The following ECM2 variants were observed in gnomAD, a reference collection of about 807,000 sequenced individuals.
ECM2 encodes extracellular matrix protein 2, female organ and adipocyte specific.
A neutral mutation model predicts 67.5 loss-of-function variants in ECM2; 57 were observed. That is an observed-to-expected ratio of 0.84 (90% CI 0.68 to 1.05). ECM2 has a LOEUF of 1.05. ECM2 is among the 50% of genes least tolerant of loss of function. The pLI is 0.00. For synonymous variants in ECM2, 258 were observed against 294.5 expected (o/e 0.88, Z 1.27); for missense variants, 741 against 822.8 (o/e 0.90, Z 1.22).
intron 6 of ECM2, among the ~76,000 whole-genome samples, chr9:92,508,558 C>T (rs777557145): frequency 7.2e-5 from 11 of 152,212 alleles, no homozygotes; most frequent in Non-Finnish European, 1.3e-4. Flanking sequence ...CCTGTTAGTA[C>T]AGTTGTTCTA....
chr9:92,515,281 G>A, intron 3 of ECM2, 78 bp from the exon 4 acceptor site: 1 of 1,379,860 alleles, frequency 7.2e-7, no homozygotes, highest in African/African-American at 1.5e-5. Context: ...TGAAAATGAG[G>A]TTAGTAAATA....
Position 92,495,392 on chromosome 9 carries a change from G to A in ECM2, c.*923C>T, listed in dbSNP as rs1355001407. ...GACATAGCTTTATTTCAATTGAACCGAATAAAATGATGTATTTCAGTAAAT... is the reference window on the plus strand; with the variant it reads ...GACATAGCTTTATTTCAATTGAACCAAATAAAATGATGTATTTCAGTAAAT... On this transcript the variant is annotated 3_prime_UTR_variant, in exon 10 of 10. Transcript: ENST00000344604. The A allele has an allele frequency of 1.1e-5, 11 of 983,890 alleles. No individual in the cohort carries two copies. Among genetic ancestry groups the A allele is most frequent in the South Asian group, 4.7e-5 (1 of 21,244 alleles). The allele number at this position is 983,890 out of a possible 1,614,324, so 60.9% of individuals were successfully genotyped here.
chr9:92,525,893 CAAAAA>C (rs71362395), intron 1 of ECM2, among the ~76,000 whole-genome samples: 1 of 43,908 alleles, frequency 2.3e-5, no homozygotes, highest in Non-Finnish European at 4.8e-5. Context: ...ACTCTATCTC[CAAAAA>C]AAAAAAAAAA....
Position 92,515,129 on chromosome 9 carries a change from C to T in ECM2, c.556G>A (p.Glu186Lys), listed in dbSNP as rs763094810. 6.2e-7 allele frequency: 1 copy of T among 1,612,958 alleles called. No individual in the cohort carries two copies. The stretch of plus-strand genomic sequence containing the variant: ...TGCTTATGAAGTAAATTGGTAGGTT[C>T]TCTTTGTTCTGAAGAATCACCAGAA... ...EFSGDSSEQR[E>K]PTNLLHKQLP... is the part of the protein sequence containing the mutation. The change falls in exon 4 of 10, where the codon GAA becomes AAA. Residue 186 changes from glutamate to lysine, a missense_variant. Transcript: ENST00000344604.
At chr9:92,506,559 T>G (rs1847019424) in intron 6 of ECM2, among the ~76,000 whole-genome samples, 1 of 152,198 alleles carries the variant, frequency 6.6e-6, no homozygotes, top group Admixed American at 6.5e-5. Flanking sequence ...TCAACCCCCT[T>G]CATGGGCATT....
the ECM2 span, among the ~76,000 whole-genome samples, chr9:92,552,190 T>TAC: frequency 0.012 from 1,316 of 106,332 alleles, 107 homozygotes; most frequent in East Asian, 0.027. Flanking sequence ...ATCTATCATA[T>TAC]ACACACACAC....
At chr9:92,522,458 C>T (rs1456535914) in intron 2 of ECM2, 117 bp downstream of exon 2, 2 of 1,136,636 alleles carry the variant, frequency 1.8e-6, no homozygotes, top group East Asian at 2.7e-5. Flanking sequence ...CTGGATTTTT[C>T]TTTAGAAAAT....
chr9:92,512,784 G>C (rs1209125560), intron 4 of ECM2, among the ~76,000 whole-genome samples: 4 of 152,178 alleles, frequency 2.6e-5, no homozygotes, highest in Non-Finnish European at 5.9e-5. Flanking sequence ...AAAGCCACGT[G>C]GTGACCTTCT....
At chr9:92,516,149 C>T (rs760263673) in intron 3 of ECM2, among the ~76,000 whole-genome samples, 7 of 151,810 alleles carry the variant, frequency 4.6e-5, no homozygotes, top group African/African-American at 7.2e-5. Context: ...CTGCACCCTC[C>T]GCCTCCCGGG....
intron 2 of ECM2, among the ~76,000 whole-genome samples, chr9:92,520,846 G>C (rs1848021795): frequency 6.6e-6 from 1 of 152,192 alleles, no homozygotes; most frequent in African/African-American, 2.4e-5. Context: ...ACTAAGTAAA[G>C]AAGTCAAATA....
intron 1 of ECM2, among the ~76,000 whole-genome samples, chr9:92,524,952 G>T (rs966521903): frequency 1.3e-5 from 2 of 152,134 alleles, no homozygotes; most frequent in African/African-American, 4.8e-5. Flanking sequence ...CAAAGGAGAG[G>T]CATTGAAGGA....
chr9:92,540,475 TAAAATA>T (rs1849292535), upstream of ECM2, among the ~76,000 whole-genome samples: 1 of 148,386 alleles, frequency 6.7e-6, no homozygotes, highest in Admixed American at 6.7e-5. Context: ...AAAAACATCT[TAAAATA>T]ATCAATGAAG....
intron 1 of ECM2, among the ~76,000 whole-genome samples, chr9:92,525,751 G>A (rs953947192): frequency 6.6e-6 from 1 of 151,924 alleles, no homozygotes; most frequent in Non-Finnish European, 1.5e-5. Flanking sequence ...TTAGCTGTGT[G>A]TGGTGGTGCA....
chr9:92,508,749 TC>T (rs1847159260), intron 6 of ECM2, among the ~76,000 whole-genome samples: 1 of 152,342 alleles, frequency 6.6e-6, no homozygotes, highest in East Asian at 1.9e-4. Context: ...TTATTATTGT[TC>T]TTTTCTCAAT....
chr9:92,526,368 A>T (rs1040734750), intron 1 of ECM2, among the ~76,000 whole-genome samples: 12 of 152,216 alleles, frequency 7.9e-5, no homozygotes, highest in African/African-American at 2.9e-4. Flanking sequence ...GAATTTTTTT[A>T]AATTCTTGAA....
At chr9:92,505,468 T>C (rs1422333828) in intron 7 of ECM2, 65 bp downstream of exon 7, 1 of 1,331,064 alleles carries the variant, frequency 7.5e-7, no homozygotes, top group Admixed American at 2.4e-5. Context: ...TTAAAATATA[T>C]TTTGTTGTAG....
the ECM2 span, among the ~76,000 whole-genome samples, chr9:92,552,049 G>GTCTATCATATATGTGATATGATAGA: frequency 4.5e-4 from 37 of 81,864 alleles, 2 homozygotes; most frequent in African/African-American, 1.1e-3. Flanking sequence ...GATATTATAG[G>GTCTATCATATATGTGATATGATAGA]TCTATCATAT....
chr9:92,541,378 C>T (rs1849313781), upstream of ECM2, among the ~76,000 whole-genome samples: 1 of 151,688 alleles, frequency 6.6e-6, no homozygotes, highest in Admixed American at 6.6e-5. Flanking sequence ...CTGGTAACCA[C>T]TATTCTACTG....
At chr9:92,511,430 T>G (rs540009310) in intron 5 of ECM2, among the ~76,000 whole-genome samples, 6 of 151,292 alleles carry the variant, frequency 4.0e-5, no homozygotes, top group African/African-American at 2.4e-5. Context: ...TGGCCTGTTT[T>G]TTTTTTTTTT....
Sources: gnomAD v4.1 joint callset for allele counts (sites outside exome capture counted in the v4.1 genomes callset) on GRCh38, gnomAD v4.1.1 for gene constraint, MANE v1.5 for transcripts, NCBI Gene and HGNC (gene_info 2026-07-23, HGNC 2026-07-21) for gene names.